TMEM232: variants seen among roughly 807,000 people sequenced by gnomAD.
TMEM232 encodes the protein transmembrane protein 232.
TMEM232 carries 80 observed loss-of-function variants against 78.8 expected under a neutral mutation model. The observed-to-expected ratio is 1.01, with a 90% confidence interval of 0.85 to 1.22. TMEM232 has a LOEUF of 1.22. Ranked by LOEUF, TMEM232 falls within the 50% of genes most tolerant of loss-of-function variation. TMEM232 has a pLI of 0.00. For missense variants in TMEM232, 881 were observed against 742.2 expected (o/e 1.19, Z -2.17); for synonymous variants, 297 against 254.3 (o/e 1.17, Z -1.60).
At chr5:110,603,576 T>C (rs1781210580) in intron 10 of TMEM232, among the ~76,000 whole-genome samples, 1 of 152,162 alleles carries the variant, frequency 6.6e-6, no homozygotes, top group African/African-American at 2.4e-5. Context: ...GGTTTAAAAA[T>C]CATGTATTGA....
chr5:110,448,379 C>A lies in TMEM232; in HGVS notation c.1704-23463G>T, dbSNP rs10060141. On this transcript the variant is annotated intron_variant, in intron 12 of 13. Coordinates refer to ENST00000455884, the MANE Select transcript of TMEM232 (RefSeq NM_001039763.4). ...GAATAACAAAGAGTAATAGTAGTGGCAGAAAGCCATTAGACCTTAAACCCT... is the reference window on the plus strand; with the variant it reads ...GAATAACAAAGAGTAATAGTAGTGGAAGAAAGCCATTAGACCTTAAACCCT... Among the ~76,000 whole-genome samples the A allele has an allele frequency of 2.5e-3, 378 of 152,086 alleles. 1 individual carries two copies. The highest frequency in any genetic ancestry group is 8.9e-3 in the African/African-American group (368 of 41,560).
intron 12 of TMEM232, among the ~76,000 whole-genome samples, chr5:110,498,546 G>A (rs1359300158): frequency 2.6e-5 from 4 of 152,134 alleles, no homozygotes; most frequent in Non-Finnish European, 5.9e-5. Context: ...ACTATTTAAT[G>A]CACTGGAGAG....
chr5:110,675,202 G>A (rs1338366289), intron 1 of TMEM232, among the ~76,000 whole-genome samples: 1 of 151,926 alleles, frequency 6.6e-6, no homozygotes, highest in Non-Finnish European at 1.5e-5. Flanking sequence ...ACGTCACCAT[G>A]CCCAGCTAGT....
At chr5:110,528,460 G>T in intron 12 of TMEM232, 128 bp downstream of exon 12, 1 of 1,015,232 alleles carries the variant, frequency 9.8e-7, no homozygotes, top group Non-Finnish European at 1.3e-6. Flanking sequence ...TCTAAGAGGT[G>T]ATCAAGCCAA....
At chr5:110,414,744 A>C (rs138758428), downstream of TMEM232, among the ~76,000 whole-genome samples, 1 of 152,120 alleles carries the variant, frequency 6.6e-6, no homozygotes, top group Admixed American at 6.5e-5. Context: ...CTCTGTTCCA[A>C]TACGGCATTT....
chr5:110,652,294 G>GCACACACACACACGCACACACACACA (rs1788442337), intron 2 of TMEM232, among the ~76,000 whole-genome samples: 1 of 145,360 alleles, frequency 6.9e-6, no homozygotes, highest in South Asian at 2.2e-4. Flanking sequence ...GCACGCGCGC[G>GCACACACACACACGCACACACACACA]CACACACACA....
intron 11 of TMEM232, among the ~76,000 whole-genome samples, chr5:110,562,051 TTACTC>T (rs1775811442): frequency 6.6e-6 from 1 of 152,042 alleles, no homozygotes. Context: ...TTGGAAATAA[TTACTC>T]TAACAACATA....
At chr5:110,666,456 T>C (rs1234459619) in intron 2 of TMEM232, among the ~76,000 whole-genome samples, 2 of 152,172 alleles carry the variant, frequency 1.3e-5, no homozygotes, top group South Asian at 2.1e-4. Flanking sequence ...AACATTTTTA[T>C]ACAAATTATT....
intron 1 of TMEM232, among the ~76,000 whole-genome samples, chr5:110,702,401 C>G (rs183382343): frequency 1.3e-5 from 2 of 152,108 alleles, no homozygotes; most frequent in Non-Finnish European, 2.9e-5. Context: ...CTCCTTAAGG[C>G]CACTCAGGAA....
intron 5 of TMEM232, among the ~76,000 whole-genome samples, chr5:110,632,104 C>T (rs1026859667): frequency 1.3e-5 from 2 of 152,086 alleles, no homozygotes; most frequent in Non-Finnish European, 2.9e-5. Context: ...CTTAACCACA[C>T]TCTAAACCAC....
chr5:110,462,482 C>A (rs1197815314), intron 12 of TMEM232, among the ~76,000 whole-genome samples: 1 of 152,200 alleles, frequency 6.6e-6, no homozygotes, highest in Non-Finnish European at 1.5e-5. Context: ...CATGGAAAGA[C>A]AAGACTGGCT....
At chr5:110,416,632 AG>A, downstream of TMEM232, among the ~76,000 whole-genome samples, 1 of 152,354 alleles carries the variant, frequency 6.6e-6, no homozygotes, top group Admixed American at 6.5e-5. Context: ...CTCAACTAGA[AG>A]CAATATGAAA....
intron 12 of TMEM232, among the ~76,000 whole-genome samples, chr5:110,475,445 A>ATTTTTTTT (rs61667699): frequency 9.1e-6 from 1 of 110,136 alleles, no homozygotes; most frequent in African/African-American, 3.4e-5. Context: ...TTATACTTTG[A>ATTTTTTTT]TTTTTTTTTT....
In TMEM232 at chr5:110,625,416, C is replaced by A; in HGVS notation, c.619G>T (p.Ala207Ser). ...PYLYALSFSG[A>S]SYHKYPNIFS... ...ATGTTTGGATACTTGTGATATGATGCTCCAGAGAAAGAAAGTGCTATTGTA... is the reference window on the plus strand; with the variant it reads ...ATGTTTGGATACTTGTGATATGATGATCCAGAGAAAGAAAGTGCTATTGTA... Residue 207 changes from alanine to serine, a missense_variant, in exon 7 of 14, where the codon GCA becomes TCA. Ala to Ser is a moderately conservative substitution (Grantham distance 99, BLOSUM62 1). Coordinates refer to ENST00000455884, the MANE Select transcript of TMEM232 (RefSeq NM_001039763.4). 1 of 1,525,658 alleles carries A rather than the reference C, an allele frequency of 6.6e-7. No homozygotes were observed. Among genetic ancestry groups the A allele is most frequent in the Non-Finnish European group, 8.8e-7 (1 of 1,134,494 alleles). 94.5% of individuals were successfully genotyped at this position (1,525,658 alleles called of 1,614,324 possible). A position where few individuals can be genotyped will look rare whatever the true frequency, so the allele number is the denominator to read the frequency against.
intron 1 of TMEM232, among the ~76,000 whole-genome samples, chr5:110,678,067 CTTAT>C (rs774004737): frequency 7.2e-5 from 11 of 151,928 alleles, no homozygotes; most frequent in African/African-American, 1.7e-4. Flanking sequence ...AAAGACTTTA[CTTAT>C]TTATTTGTTT....
intron 2 of TMEM232, among the ~76,000 whole-genome samples, chr5:110,664,721 T>C (rs1425192902): frequency 1.3e-5 from 2 of 152,214 alleles, no homozygotes. Flanking sequence ...TGCAGACAGC[T>C]GCCTTCTTGC....
chr5:110,477,176 T>G (rs1217797883), intron 12 of TMEM232, among the ~76,000 whole-genome samples: 1 of 152,024 alleles, frequency 6.6e-6, no homozygotes, highest in Non-Finnish European at 1.5e-5. Context: ...ATTTTGGCAT[T>G]AATGTAACTT....
At chr5:110,513,652 T>G (rs928427646) in intron 12 of TMEM232, among the ~76,000 whole-genome samples, 8 of 152,076 alleles carry the variant, frequency 5.3e-5, no homozygotes, top group African/African-American at 1.9e-4. Context: ...AACTCATACT[T>G]GTCAAGATGC....
At chr5:110,718,726 C>G (rs1451068232) in intron 1 of TMEM232, among the ~76,000 whole-genome samples, 1 of 151,978 alleles carries the variant, frequency 6.6e-6, no homozygotes, top group Non-Finnish European at 1.5e-5. Flanking sequence ...ACTCCCATTA[C>G]ATGAAAGTTG....
Sources: gnomAD v4.1 joint callset for allele counts (sites outside exome capture counted in the v4.1 genomes callset) on GRCh38, gnomAD v4.1.1 for gene constraint, MANE v1.5 for transcripts, NCBI Gene and HGNC (gene_info 2026-07-23, HGNC 2026-07-21) for gene names.